TRMT11: variants seen among roughly 807,000 people sequenced by gnomAD.
The protein encoded by TRMT11 is tRNA (guanine(10)-N(2))-methyltransferase TRMT11.
TRMT11 carries 53 observed loss-of-function variants against 62.8 expected under a neutral mutation model. The ratio of observed to expected loss-of-function variants is 0.84; its 90% CI spans 0.68 to 1.06. The LOEUF is 1.06. TRMT11 is among the 50% of genes least tolerant of loss of function. TRMT11 has a pLI of 0.00. For missense variants in TRMT11, 556 were observed against 553.4 expected, an observed-to-expected ratio of 1.00 and a Z score of -0.05; for synonymous variants, 188 against 190.3, an observed-to-expected ratio of 0.99 and a Z score of 0.10.
At chr6:126,109,203 C>T (rs2128185988) in intron 17 of TRMT11, among the ~76,000 whole-genome samples, 1 of 152,204 alleles carries the variant, frequency 6.6e-6, no homozygotes, top group African/African-American at 2.4e-5. Flanking sequence ...ATGCTAACAT[C>T]TAAAGTACAA....
chr6:125,987,628 TAAG>T (rs1007632336), intron 1 of TRMT11, among the ~76,000 whole-genome samples: 3 of 152,020 alleles, frequency 2.0e-5, no homozygotes, highest in Admixed American at 6.5e-5. Context: ...GTTAATAGAT[TAAG>T]AAGGTCTGAC....
chr6:126,188,286 C>A (rs1021522588), intron 1 of TRMT11, among the ~76,000 whole-genome samples: 3 of 151,628 alleles, frequency 2.0e-5, no homozygotes, highest in Admixed American at 2.0e-4. Flanking sequence ...TACAAATTGA[C>A]AATAAAAATC....
In TRMT11 at chr6:125,990,987, C is replaced by T. The variant is rs571688951; in HGVS notation, c.73-2770C>T. Among the ~76,000 whole-genome samples, 18 of 152,128 alleles carry T rather than the reference C, an allele frequency of 1.2e-4. No individual in the cohort carries two copies. The South Asian group carries it at 3.5e-3, about 30-fold the overall frequency. ...GGGGTCCGGGCGCAGTGGCTCACTC[C>T]TGTAATTCCAGTACTTTGGGAGGCT... On this transcript the variant is annotated intron_variant, in intron 1 of 12. Coordinates refer to ENST00000334379, the MANE Select transcript of TRMT11 (RefSeq NM_001031712.3).
intron 3 of TRMT11, among the ~76,000 whole-genome samples, chr6:126,201,574 G>A (rs975289892): frequency 6.6e-6 from 1 of 152,130 alleles, no homozygotes; most frequent in African/African-American, 2.4e-5. Context: ...TCCTGTTTTT[G>A]TGCAAATGAT....
intron 1 of TRMT11, among the ~76,000 whole-genome samples, chr6:126,196,011 T>C (rs191782376): frequency 6.6e-6 from 1 of 152,318 alleles, no homozygotes; most frequent in East Asian, 1.9e-4. Context: ...TACAAGTAAC[T>C]TGAATCCTTG....
chr6:126,024,181 C>T (rs1284891493), intron 12 of TRMT11, among the ~76,000 whole-genome samples: 1 of 152,162 alleles, frequency 6.6e-6, no homozygotes, highest in Non-Finnish European at 1.5e-5. Flanking sequence ...TTTCTTCTTG[C>T]TTTTATTTAC....
At chr6:126,245,795 T>A in the TRMT11 span, among the ~76,000 whole-genome samples, 1 of 152,194 alleles carries the variant, frequency 6.6e-6, no homozygotes, top group East Asian at 1.9e-4. Context: ...GAATATACTG[T>A]ATTACCAAAA....
chr6:126,041,996 T>G (rs1775892521), downstream of TRMT11, among the ~76,000 whole-genome samples: 1 of 152,298 alleles, frequency 6.6e-6, no homozygotes, highest in African/African-American at 2.4e-5. Flanking sequence ...TCAAGTAATG[T>G]GGTTTGTAAT....
At chr6:126,165,770 T>C (rs1778251452) in intron 21 of TRMT11, among the ~76,000 whole-genome samples, 1 of 152,198 alleles carries the variant, frequency 6.6e-6, no homozygotes, top group African/African-American at 2.4e-5. Flanking sequence ...TTGGGGTTGC[T>C]CTTCTCAGGG....
intron 17 of TRMT11, among the ~76,000 whole-genome samples, chr6:126,096,510 A>G (rs1289072024): frequency 2.0e-5 from 3 of 151,840 alleles, no homozygotes; most frequent in Admixed American, 2.0e-4. Flanking sequence ...TCATTAGGTC[A>G]TGCTACCTCT....
At chr6:126,142,220 A>G (rs565641157) in intron 21 of TRMT11, among the ~76,000 whole-genome samples, 32 of 152,148 alleles carry the variant, frequency 2.1e-4, no homozygotes, top group Non-Finnish European at 4.0e-4. Flanking sequence ...TATACTGGAG[A>G]GAGGAGGGGA....
intron 21 of TRMT11, among the ~76,000 whole-genome samples, chr6:126,156,939 T>C (rs189314216): frequency 6.6e-6 from 1 of 152,336 alleles, no homozygotes; most frequent in African/African-American, 2.4e-5. Flanking sequence ...GGCATCTTCC[T>C]CAGCGGTGGA....
At chr6:126,004,340 C>T (rs371866857) in intron 7 of TRMT11, among the ~76,000 whole-genome samples, 1 of 152,068 alleles carries the variant, frequency 6.6e-6, no homozygotes, top group South Asian at 2.1e-4. Flanking sequence ...ATATTTGGAA[C>T]GTCTGACTGT....
intron 1 of TRMT11, among the ~76,000 whole-genome samples, chr6:125,991,245 C>CAAA (rs748622094): frequency 2.3e-5 from 3 of 131,350 alleles, no homozygotes; most frequent in African/African-American, 8.4e-5. Flanking sequence ...GACTCCATCT[C>CAAA]AAAAAAAAAA....
chr6:126,003,669 T>A (rs1441588195), intron 7 of TRMT11, among the ~76,000 whole-genome samples: 1 of 152,130 alleles, frequency 6.6e-6, no homozygotes, highest in African/African-American at 2.4e-5. Flanking sequence ...AGGGCCATTA[T>A]GACTTTCTTT....
At chr6:126,255,341 T>G in the TRMT11 span, among the ~76,000 whole-genome samples, 1 of 152,036 alleles carries the variant, frequency 6.6e-6, no homozygotes, top group African/African-American at 2.4e-5. Flanking sequence ...TGTATCTTAT[T>G]CTCTGTCTCT....
chr6:126,134,726 C>G (rs1489586229), intron 21 of TRMT11, among the ~76,000 whole-genome samples: 1 of 151,808 alleles, frequency 6.6e-6, no homozygotes, highest in African/African-American at 2.4e-5. Context: ...TTCTTCAGGA[C>G]AGACCATATG....
intron 1 of TRMT11, among the ~76,000 whole-genome samples, chr6:126,196,493 A>T (rs1481283134): frequency 6.6e-6 from 1 of 151,992 alleles, no homozygotes; most frequent in Non-Finnish European, 1.5e-5. Context: ...TTTATTAATA[A>T]TTTTTAATAA....
At chr6:126,191,548 A>G (rs1443714419) in intron 1 of TRMT11, among the ~76,000 whole-genome samples, 3 of 149,112 alleles carry the variant, frequency 2.0e-5, no homozygotes, top group South Asian at 2.1e-4. Context: ...CATTTCCCCA[A>G]TGTTTTCTTT....
Sources: allele counts gnomAD v4.1 joint callset (sites outside exome capture counted in the v4.1 genomes callset), GRCh38; gene constraint gnomAD v4.1.1; transcripts MANE v1.5; gene names NCBI Gene and HGNC (gene_info 2026-07-23, HGNC 2026-07-21).